Variants in ITPKC observed in about 807,000 individuals in gnomAD.
ITPKC encodes inositol-trisphosphate 3-kinase C.
Under a neutral mutation model 67.1 loss-of-function variants are expected in ITPKC, and 33 were observed. That is an observed-to-expected ratio of 0.49 (90% CI 0.37 to 0.66). The LOEUF is 0.66. Ranked by LOEUF, ITPKC falls within the 30% of genes least tolerant of loss-of-function variation. ITPKC has a pLI of 0.00. For missense variants in ITPKC, 820 were observed against 892.1 expected (o/e 0.92, Z 1.03); for synonymous variants, 341 against 359.8 (o/e 0.95, Z 0.59).
At chr19:40,729,944 C>T (rs931992080) in intron 3 of ITPKC, among the ~76,000 whole-genome samples, 5 of 151,870 alleles carry the variant, frequency 3.3e-5, no homozygotes, top group African/African-American at 1.2e-4. Flanking sequence ...AATAGGATCC[C>T]TTTTTTTCCT....
intron 5 of ITPKC, 48 bp from the exon 6 acceptor site, chr19:40,737,650 G>T: frequency 6.5e-7 from 1 of 1,534,352 alleles, no homozygotes; most frequent in Non-Finnish European, 9.0e-7. Flanking sequence ...GGTGGGCAAG[G>T]CCCCACAAAG....
intron 1 of ITPKC, among the ~76,000 whole-genome samples, chr19:40,722,197 A>G (rs1014488678): frequency 6.6e-6 from 1 of 152,104 alleles, no homozygotes; most frequent in Non-Finnish European, 1.5e-5. Context: ...AGGCACTGGG[A>G]TCCAACCAGA....
In ITPKC at chr19:40,739,420, G is replaced by T; in HGVS notation, c.1912G>T (p.Asp638Tyr). The change falls in exon 7 of 7, where the codon GAC (aspartate) becomes TAC (tyrosine). Residue 638 changes from aspartate to tyrosine, a missense_variant. Transcript: ENST00000263370. ...CGGCCTGGCCAAGGTCTGGATGATA[G>T]ACTTCGGCAAGACGGTGGCCTTGCC... ...HTGLAKVWMI[D>Y]FGKTVALPDH... 6.2e-7 allele frequency: 1 copy of T among 1,613,732 alleles called. No homozygotes were observed. Among genetic ancestry groups the T allele is most frequent in the South Asian group, 1.1e-5 (1 of 91,074 alleles).
rs370876169 is a variant in ITPKC, at chr19:40,725,840, A to G, written c.1255+401A>G. 4.6e-5 allele frequency among the ~76,000 whole-genome samples: 7 copies of G among 152,256 alleles called. No individual in the cohort carries two copies. The East Asian group carries it at 1.4e-3, about 29-fold the overall frequency. The stretch of plus-strand genomic sequence containing the variant: ...AGATTGAGGCCAGGCACGGTGGCTT[A>G]CATCTGTAATCCTAGCACTTTGGCA... On this transcript the variant is annotated intron_variant, in intron 2 of 6. Coordinates refer to ENST00000263370, the MANE Select transcript of ITPKC (RefSeq NM_025194.3).
At chr19:40,720,440 G>A (rs556807496) in intron 1 of ITPKC, among the ~76,000 whole-genome samples, 64 of 152,096 alleles carry the variant, frequency 4.2e-4, no homozygotes, top group Non-Finnish European at 7.2e-4. Context: ...GCTTAGGGTT[G>A]GCCACGTCAA....
chr19:40,729,475 T>C lies in ITPKC; in HGVS notation c.1469+60T>C. 4 of 1,494,142 alleles carry C rather than the reference T, an allele frequency of 2.7e-6. No homozygotes were observed. The South Asian group carries it at 4.7e-5, about 18-fold the overall frequency. 92.6% of individuals were successfully genotyped at this position (1,494,142 alleles called of 1,614,324 possible). A position where few individuals can be genotyped will look rare whatever the true frequency, so the allele number is the denominator to read the frequency against. On this transcript the variant is annotated intron_variant, in intron 3 of 6. Transcript: ENST00000263370. Reference sequence around the variant, plus strand: ...GGCAGGGGGTGGGCATTATTGAAAATATTGGCCTGGCCAGGCGCGGTGGCT... The same window carrying C: ...GGCAGGGGGTGGGCATTATTGAAAACATTGGCCTGGCCAGGCGCGGTGGCT...
In ITPKC at chr19:40,733,293, C is replaced by T. The variant is rs1568451461; in HGVS notation, c.1603C>T (p.Pro535Ser). 1 of 1,614,014 alleles carries T rather than the reference C, an allele frequency of 6.2e-7. No individual in the cohort carries two copies. Among genetic ancestry groups the T allele is most frequent in the Middle Eastern group, 1.6e-4 (1 of 6,062 alleles). The part of the protein sequence containing the change: ...EEHAQGAVTK[P>S]RYMQWRETMS... ...GCATGCCCAGGGTGCAGTCACCAAG[C>T]CCCGCTACATGCAGTGGAGGGAAAC... Residue 535 changes from proline (P) to serine (S), a missense_variant, in exon 4 of 7, where the codon CCC becomes TCC. By Grantham distance (74) the Pro-to-Ser change is moderately conservative. Coordinates refer to ENST00000263370, the MANE Select transcript of ITPKC (RefSeq NM_025194.3).
intron 6 of ITPKC, among the ~76,000 whole-genome samples, 163 bp downstream of exon 6, chr19:40,737,932 C>T (rs2082302339): frequency 6.8e-6 from 1 of 147,056 alleles, no homozygotes; most frequent in African/African-American, 2.5e-5. Flanking sequence ...GGGAGGATTG[C>T]TGGAGCCCAG....
intron 1 of ITPKC, among the ~76,000 whole-genome samples, chr19:40,721,726 G>A (rs1024030046): frequency 6.6e-6 from 1 of 152,032 alleles, no homozygotes; most frequent in African/African-American, 2.4e-5. Context: ...GGGGCCAGGT[G>A]TGGTGGCTTA....
intron 1 of ITPKC, among the ~76,000 whole-genome samples, chr19:40,724,099 C>T (rs569362911): frequency 6.6e-6 from 1 of 152,212 alleles, no homozygotes; most frequent in Non-Finnish European, 1.5e-5. Context: ...AGTGACACTT[C>T]TGCTCCCAGT....
At chr19:40,723,738 C>G (rs2082233515) in intron 1 of ITPKC, among the ~76,000 whole-genome samples, 1 of 152,122 alleles carries the variant, frequency 6.6e-6, no homozygotes, top group Non-Finnish European at 1.5e-5. Context: ...CTCAGGTGAT[C>G]TGCCCACCTC....
At chr19:40,730,868 C>T (rs960097005) in intron 3 of ITPKC, among the ~76,000 whole-genome samples, 1 of 152,174 alleles carries the variant, frequency 6.6e-6, no homozygotes, top group Non-Finnish European at 1.5e-5. Flanking sequence ...ACCCCACACA[C>T]CAAGCAACGG....
chr19:40,737,496 C>T (rs554138008), intron 5 of ITPKC, among the ~76,000 whole-genome samples: 1 of 152,326 alleles, frequency 6.6e-6, no homozygotes, highest in Non-Finnish European at 1.5e-5. Context: ...AGTGGAAATT[C>T]ATGGAATCCA....
Position 40,717,740 on chromosome 19 carries a change from C to A in ITPKC, c.605C>A (p.Ser202Tyr), listed in dbSNP as rs138657519. Residue 202 changes from serine (S) to tyrosine (Y), a missense_variant, in exon 1 of 7, where the codon TCC becomes TAC. Coordinates refer to ENST00000263370, the MANE Select transcript of ITPKC (RefSeq NM_025194.3). ...AACCTCTGGACCCACCAGAACAGTT[C>A]CAGCCTCCAGACTCACCCAGAAGGA... is the stretch of plus-strand genomic sequence containing the variant. ...ADNLWTHQNS[S>Y]SLQTHPEGAC... is the part of the protein sequence containing the mutation. 1.2e-6 allele frequency: 2 copies of A among 1,613,748 alleles called. No homozygotes were observed. Among genetic ancestry groups the A allele is most frequent in the African/African-American group, 2.7e-5 (2 of 74,902 alleles).
chr19:40,718,243 G>T lies in ITPKC; in HGVS notation c.1108G>T (p.Val370Leu). 1 of 1,527,046 alleles carries T rather than the reference G, an allele frequency of 6.5e-7. No individual in the cohort carries two copies. The highest frequency in any genetic ancestry group is 2.1e-5 in the Admixed American group (1 of 47,584). The allele number at this position is 1,527,046 out of a possible 1,614,324, so 94.6% of individuals were successfully genotyped here. The change falls in exon 1 of 7, where the codon GTG (valine) becomes TTG (leucine). Residue 370 changes from valine to leucine, a missense_variant. Coordinates refer to ENST00000263370, the MANE Select transcript of ITPKC (RefSeq NM_025194.3). ...ASSFDESEDDVVAGGGGASDP... is the reference protein window; with the variant it reads ...ASSFDESEDDLVAGGGGASDP... ...TTCTTTCGACGAGTCTGAGGATGAC[G>T]TGGTGGCCGGGGGCGGAGGTGCCAG...
chr19:40,717,963 C>T lies in ITPKC; in HGVS notation c.828C>T (p.Ser276=), dbSNP rs1568446723. The T allele has an allele frequency of 3.1e-6, 5 of 1,614,208 alleles. No homozygotes were observed. The highest frequency in any genetic ancestry group is 4.2e-6 in the Non-Finnish European group (5 of 1,180,038). Reference sequence around the variant, plus strand: ...AAATACAACAGGATACTGATGGCTCCTGGACACAACCTAGCACTGACGGTT... The same window carrying T: ...AAATACAACAGGATACTGATGGCTCTTGGACACAACCTAGCACTGACGGTT... ...GFQIQQDTDG[S]WTQPSTDGSQ... The change falls in exon 1 of 7, where the codon TCC becomes TCT. Residue 276 remains serine (S), a synonymous_variant. Coordinates refer to ENST00000263370, the MANE Select transcript of ITPKC (RefSeq NM_025194.3).
intron 2 of ITPKC, among the ~76,000 whole-genome samples, chr19:40,727,849 G>C (rs1465572): frequency 0.99 from 151,278 of 152,318 alleles, 75,192 homozygotes; most frequent in Non-Finnish European, 1. Context: ...TAGGATCTCA[G>C]TGTTGCCCAG....
chr19:40,726,271 C>T (rs1179895055), intron 2 of ITPKC, among the ~76,000 whole-genome samples: 1 of 151,882 alleles, frequency 6.6e-6, no homozygotes, highest in Non-Finnish European at 1.5e-5. Context: ...GCACAGGACT[C>T]TTATGAATGG....
chr19:40,725,110 G>A (rs2303722), intron 1 of ITPKC, among the ~76,000 whole-genome samples: 1,586 of 152,208 alleles, frequency 0.01, 24 homozygotes, highest in East Asian at 0.039. Flanking sequence ...ATGACAGAGG[G>A]GAGAAATGGG....
Sources: allele counts gnomAD v4.1 joint callset (sites outside exome capture counted in the v4.1 genomes callset), GRCh38; gene constraint gnomAD v4.1.1; transcripts MANE v1.5; gene names NCBI Gene and HGNC (gene_info 2026-07-23, HGNC 2026-07-21).